GPC5: variants seen among roughly 807,000 people sequenced by gnomAD.
GPC5 encodes glypican 5.
GPC5 carries 47 observed loss-of-function variants against 53.9 expected under a neutral mutation model. The observed-to-expected ratio is 0.87, with a 90% confidence interval of 0.69 to 1.11. The LOEUF is 1.11. Ranked by LOEUF, GPC5 falls within the 50% of genes most tolerant of loss-of-function variation. GPC5 has a pLI of 0.00. For missense variants in GPC5, 748 were observed against 713.1 expected (o/e 1.05, Z -0.56); for synonymous variants, 286 against 263.3 (o/e 1.09, Z -0.84).
At chr13:92,299,958 A>C (rs571335155) in intron 7 of GPC5, among the ~76,000 whole-genome samples, 49 of 152,310 alleles carry the variant, frequency 3.2e-4, no homozygotes, top group Admixed American at 1.3e-3. Flanking sequence ...TTCTGTAAGG[A>C]GTGTTCCTTC....
intron 7 of GPC5, among the ~76,000 whole-genome samples, chr13:92,543,314 T>C (rs1456655388): frequency 6.6e-6 from 1 of 152,094 alleles, no homozygotes; most frequent in Non-Finnish European, 1.5e-5. Context: ...TCACAATTTG[T>C]TTCTCTCTCT....
intron 7 of GPC5, chr13:92,719,760 C>G (rs1484597779): frequency 6.6e-6 from 1 of 152,144 alleles, no homozygotes; most frequent in Non-Finnish European, 1.5e-5. Flanking sequence ...ATATTGTCTT[C>G]AAGCTTCAGA....
At chr13:92,437,576 TCA>T (rs1877362192) in intron 7 of GPC5, among the ~76,000 whole-genome samples, 1 of 152,204 alleles carries the variant, frequency 6.6e-6, no homozygotes, top group Non-Finnish European at 1.5e-5. Context: ...TTCAATCATT[TCA>T]CACAGTTGAA....
chr13:91,669,954 G>A (rs2035205898), intron 2 of GPC5, among the ~76,000 whole-genome samples: 1 of 152,088 alleles, frequency 6.6e-6, no homozygotes, highest in Non-Finnish European at 1.5e-5. Context: ...CCTAAGCCTG[G>A]CTTGCTAAGA....
At chr13:92,042,766 T>C (rs540506069) in intron 6 of GPC5, among the ~76,000 whole-genome samples, 55 of 152,240 alleles carry the variant, frequency 3.6e-4, no homozygotes, top group African/African-American at 1.3e-3. Flanking sequence ...ATGGGTCCCA[T>C]TGGTGAGCTT....
At chr13:92,822,392 A>G (rs1295219150) in intron 7 of GPC5, among the ~76,000 whole-genome samples, 8 of 152,078 alleles carry the variant, frequency 5.3e-5, no homozygotes, top group Admixed American at 4.6e-4. Flanking sequence ...AAGGACTATT[A>G]TTGTTCCCAT....
At chr13:92,546,698 C>A (rs1005860906) in intron 7 of GPC5, among the ~76,000 whole-genome samples, 6 of 152,228 alleles carry the variant, frequency 3.9e-5, no homozygotes, top group Admixed American at 6.5e-5. Context: ...AAAAAAGAGC[C>A]CACATTGCCA....
chr13:91,684,311 A>G (rs554665778), intron 2 of GPC5, among the ~76,000 whole-genome samples: 1 of 152,186 alleles, frequency 6.6e-6, no homozygotes, highest in African/African-American at 2.4e-5. Flanking sequence ...TGAGACTCCA[A>G]TTATTTTATC....
intron 2 of GPC5, among the ~76,000 whole-genome samples, chr13:91,655,324 C>T (rs2034819734): frequency 6.6e-6 from 1 of 151,726 alleles, no homozygotes. Flanking sequence ...TGTATGTATA[C>T]TAAAATTTGT....
intron 7 of GPC5, among the ~76,000 whole-genome samples, chr13:92,566,026 A>G (rs192384678): frequency 6.6e-6 from 1 of 152,198 alleles, no homozygotes; most frequent in African/African-American, 2.4e-5. Flanking sequence ...TAATTATATA[A>G]TTACAGTATA....
intron 6 of GPC5, among the ~76,000 whole-genome samples, chr13:92,064,866 T>C (rs1052536422): frequency 6.6e-6 from 1 of 151,726 alleles, no homozygotes; most frequent in Non-Finnish European, 1.5e-5. Context: ...AGAAGATACC[T>C]AGAGGAGTGT....
At chr13:91,999,334 T>C (rs867922013) in intron 6 of GPC5, among the ~76,000 whole-genome samples, 5 of 152,282 alleles carry the variant, frequency 3.3e-5, no homozygotes, top group South Asian at 4.1e-4. Context: ...TGTGAGAAGG[T>C]AAAACTATCT....
chr13:91,748,288 T>C (rs2037095663), intron 4 of GPC5, among the ~76,000 whole-genome samples: 1 of 152,226 alleles, frequency 6.6e-6, no homozygotes, highest in African/African-American at 2.4e-5. Context: ...TGAGCCTCTT[T>C]AGTAGAGTCT....
chr13:91,907,382 T>G (rs182124097), intron 5 of GPC5, among the ~76,000 whole-genome samples: 40 of 145,908 alleles, frequency 2.7e-4, no homozygotes, highest in African/African-American at 7.7e-4. Flanking sequence ...AGGAAATATA[T>G]ATATAATATA....
Position 92,647,474 on chromosome 13 carries a change from G to C in GPC5, c.1562-218808G>C, listed in dbSNP as rs74107086. Among the ~76,000 whole-genome samples, 1,296 of 152,156 alleles carry C rather than the reference G, an allele frequency of 8.5e-3. 19 individuals are homozygous for C. The highest frequency in any genetic ancestry group is 0.03 in the African/African-American group (1,243 of 41,520). The stretch of plus-strand genomic sequence containing the variant: ...CTACATAGGCTCAGGAATAAATACA[G>C]CACCCTCAGTTGACAGGAACTAGAA... On this transcript the variant is annotated intron_variant, in intron 7 of 7. Transcript: ENST00000377067.
chr13:92,606,369 A>G (rs1267106286), intron 7 of GPC5, among the ~76,000 whole-genome samples: 1 of 152,198 alleles, frequency 6.6e-6, no homozygotes, highest in Non-Finnish European at 1.5e-5. Context: ...TAGTTTGCCC[A>G]GAATGATGGT....
rs1043112579 is a variant in GPC5 at position 92,512,266 on chromosome 13, A to G, written c.1562-354016A>G. On this transcript the variant is annotated intron_variant, in intron 7 of 7. Coordinates refer to ENST00000377067, the MANE Select transcript of GPC5 (RefSeq NM_004466.6). ...TGTGTGTGTGCGCGCGCGCGCGCGT[A>G]CGCTGTGTGCATGCACGCTCATGGT... 4.0e-3 allele frequency among the ~76,000 whole-genome samples: 608 copies of G among 150,138 alleles called. 7 individuals carry two copies. Among genetic ancestry groups the G allele is most frequent in the African/African-American group, 0.014 (591 of 40,956 alleles).
chr13:91,826,059 A>C (rs1191970795), intron 5 of GPC5, among the ~76,000 whole-genome samples: 1 of 152,092 alleles, frequency 6.6e-6, no homozygotes, highest in African/African-American at 2.4e-5. Flanking sequence ...CTTCAGAGGA[A>C]GATAACAGAG....
intron 2 of GPC5, among the ~76,000 whole-genome samples, chr13:91,478,056 G>C (rs114013758): frequency 6.6e-6 from 1 of 151,726 alleles, no homozygotes; most frequent in South Asian, 2.1e-4. Flanking sequence ...TTCATATTTA[G>C]ATGATGTAAT....
Sources: gnomAD v4.1 joint callset for allele counts (sites outside exome capture counted in the v4.1 genomes callset) on GRCh38, gnomAD v4.1.1 for gene constraint, MANE v1.5 for transcripts, NCBI Gene and HGNC (gene_info 2026-07-23, HGNC 2026-07-21) for gene names.